WDR72: variants seen among roughly 807,000 people sequenced by gnomAD.
The protein encoded by WDR72 is WD repeat domain 72, also known as WD repeat-containing protein 72.
In WDR72, 120 loss-of-function variants were observed where a neutral mutation model predicts 124.2. The ratio of observed to expected loss-of-function variants is 0.97; its 90% CI spans 0.83 to 1.12. WDR72 has a LOEUF of 1.12. WDR72 is among the 50% of genes most tolerant of loss of function. WDR72 has a pLI of 0.00. For missense variants in WDR72, 1,387 were observed against 1,278.8 expected, an observed-to-expected ratio of 1.08 and a Z score of -1.29; for synonymous variants, 452 against 441.7, an observed-to-expected ratio of 1.02 and a Z score of -0.29.
chr15:53,758,728 T>G (rs924044603), intron 1 of WDR72, among the ~76,000 whole-genome samples: 8 of 115,588 alleles, frequency 6.9e-5, no homozygotes, highest in Non-Finnish European at 1.3e-4. Context: ...GGTGACCTAG[T>G]CTCCAATCGG....
intron 1 of WDR72, among the ~76,000 whole-genome samples, chr15:53,742,586 T>C (rs898186566): frequency 1.1e-4 from 16 of 152,172 alleles, no homozygotes; most frequent in African/African-American, 3.9e-4. Flanking sequence ...ATAAATACTT[T>C]CACTGGAGAA....
At chr15:53,589,972 T>G (rs79421098) in intron 18 of WDR72, among the ~76,000 whole-genome samples, 83 of 151,958 alleles carry the variant, frequency 5.5e-4, no homozygotes, top group Non-Finnish European at 9.3e-4. Flanking sequence ...AATGATGAAA[T>G]TTCTCTCTCA....
rs191724432 is a variant in WDR72 at position 53,675,562 on chromosome 15, C to A, written c.1766-9794G>T. Among the ~76,000 whole-genome samples, 3 of 152,086 alleles carry A rather than the reference C, an allele frequency of 2.0e-5. No homozygotes were observed. In the East Asian group the frequency reaches 5.8e-4, roughly 29 times the overall value. ...TATTTCAAAATTTCATTCATCACGT[C>A]GCATTATTTAAATTTATTACACCAG... On this transcript the variant is annotated intron_variant, in intron 13 of 19. Coordinates refer to ENST00000360509, the MANE Select transcript of WDR72 (RefSeq NM_182758.4).
intron 18 of WDR72, among the ~76,000 whole-genome samples, chr15:53,593,012 G>T (rs1595780512): frequency 6.6e-6 from 1 of 152,158 alleles, no homozygotes; most frequent in Middle Eastern, 3.4e-3. Context: ...TACATGCTGT[G>T]AAGTGTAATA....
chr15:53,520,583 A>G (rs1891736331), intron 19 of WDR72, among the ~76,000 whole-genome samples: 1 of 152,030 alleles, frequency 6.6e-6, no homozygotes, highest in Non-Finnish European at 1.5e-5. Context: ...CATTTTCCCA[A>G]ATCTCACCAC....
Position 53,711,494 on chromosome 15 carries a change from G to C in WDR72, c.712-13C>G. 6.2e-7 allele frequency: 1 copy of C among 1,613,720 alleles called. No homozygotes were observed. The highest frequency in any genetic ancestry group is 1.1e-5 in the South Asian group (1 of 91,076). Reference sequence around the variant, plus strand: ...AATAATCATAAACCTAAAATATGAAGTTGATGCACATTATCAAAGGCTTAA... The same window carrying C: ...AATAATCATAAACCTAAAATATGAACTTGATGCACATTATCAAAGGCTTAA... On this transcript the variant is annotated splice_polypyrimidine_tract_variant and intron_variant, in intron 7 of 19. Transcript: ENST00000360509.
rs541223158 is a variant in WDR72 at position 53,626,275 on chromosome 15, G to C, written c.1963-10032C>G. Among the ~76,000 whole-genome samples, 4 of 152,318 alleles carry C rather than the reference G, an allele frequency of 2.6e-5. No homozygotes were observed. In the South Asian group the frequency reaches 8.3e-4, roughly 32 times the overall value. ...AGCTCTATCAGAAGCCGTGGGTCAC[G>C]GAAGAGAACCGTGGGACCCAGTGAC... On this transcript the variant is annotated intron_variant, in intron 14 of 19. Coordinates refer to ENST00000360509, the MANE Select transcript of WDR72 (RefSeq NM_182758.4).
intron 14 of WDR72, among the ~76,000 whole-genome samples, chr15:53,640,335 C>T (rs1187331168): frequency 6.6e-6 from 1 of 152,142 alleles, no homozygotes. Context: ...CCCAGAGCTT[C>T]AGTTAGGATG....
chr15:53,634,999 G>A (rs950310683), intron 14 of WDR72, among the ~76,000 whole-genome samples: 1 of 152,240 alleles, frequency 6.6e-6, no homozygotes, highest in African/African-American at 2.4e-5. Context: ...GGTGGTGTAA[G>A]TTGACACTCT....
intron 16 of WDR72, among the ~76,000 whole-genome samples, chr15:53,611,618 G>A (rs750929657): frequency 6.6e-6 from 1 of 152,082 alleles, no homozygotes; most frequent in African/African-American, 2.4e-5. Flanking sequence ...AATCATAAAT[G>A]TGAGAAGTGG....
chr15:53,588,242 C>G (rs979514652), intron 18 of WDR72, among the ~76,000 whole-genome samples: 6 of 151,950 alleles, frequency 3.9e-5, no homozygotes. Context: ...TTAATGAGCA[C>G]CCATCATACA....
chr15:53,723,090 T>G (rs542475077), intron 2 of WDR72, among the ~76,000 whole-genome samples, 182 bp from the exon 3 acceptor site: 1 of 152,200 alleles, frequency 6.6e-6, no homozygotes, highest in Non-Finnish European at 1.5e-5. Context: ...GGTAGAGGAA[T>G]TGTGCTGTAG....
chr15:53,734,643 G>C (rs2140618612), intron 1 of WDR72, among the ~76,000 whole-genome samples: 1 of 152,052 alleles, frequency 6.6e-6, no homozygotes, highest in African/African-American at 2.4e-5. Flanking sequence ...TTTTTGGCTA[G>C]GAGTTTGCAT....
At chr15:53,560,911 T>C (rs761284435) in intron 18 of WDR72, among the ~76,000 whole-genome samples, 4 of 151,820 alleles carry the variant, frequency 2.6e-5, no homozygotes, top group Non-Finnish European at 5.9e-5. Flanking sequence ...GAAAGAGACT[T>C]GCTCTAGAAT....
At chr15:53,706,446 A>T (rs2017382625) in intron 9 of WDR72, among the ~76,000 whole-genome samples, 1 of 147,708 alleles carries the variant, frequency 6.8e-6, no homozygotes, top group Non-Finnish European at 1.5e-5. Flanking sequence ...TCAGTTAAAT[A>T]ATCCTCACAA....
At chr15:53,592,070 T>C (rs1043461903) in intron 18 of WDR72, among the ~76,000 whole-genome samples, 7 of 152,014 alleles carry the variant, frequency 4.6e-5, no homozygotes, top group Admixed American at 2.6e-4. Flanking sequence ...ATCACTGTGC[T>C]TTGCCCCTAA....
chr15:53,740,673 C>T (rs1404180473), intron 1 of WDR72, among the ~76,000 whole-genome samples: 1 of 152,140 alleles, frequency 6.6e-6, no homozygotes, highest in Admixed American at 6.5e-5. Flanking sequence ...CCCTACAATG[C>T]CTGAAGAACA....
chr15:53,749,040 A>T (rs2018710393), intron 1 of WDR72, among the ~76,000 whole-genome samples: 1 of 152,196 alleles, frequency 6.6e-6, no homozygotes, highest in Non-Finnish European at 1.5e-5. Context: ...ATAGTGTGAT[A>T]GGTGCTATGT....
intron 14 of WDR72, among the ~76,000 whole-genome samples, chr15:53,645,694 CTA>C (rs1163834994): frequency 6.6e-6 from 1 of 152,064 alleles, no homozygotes; most frequent in Non-Finnish European, 1.5e-5. Context: ...TTCTCTTAAA[CTA>C]TATCATTTTA....
Sources: allele counts gnomAD v4.1 joint callset (sites outside exome capture counted in the v4.1 genomes callset), GRCh38; gene constraint gnomAD v4.1.1; transcripts MANE v1.5; gene names NCBI Gene and HGNC (gene_info 2026-07-23, HGNC 2026-07-21).